CPA6: variants seen among roughly 807,000 people sequenced by gnomAD.
CPA6 encodes carboxypeptidase A6, also known as carboxypeptidase B.
Under a neutral mutation model 63.3 loss-of-function variants are expected in CPA6, and 58 were observed. That is an observed-to-expected ratio of 0.92 (90% CI 0.74 to 1.14). The LOEUF (loss-of-function observed/expected upper bound fraction) is 1.14. Ranked by LOEUF, CPA6 falls within the 50% of genes most tolerant of loss-of-function variation. CPA6 has a pLI of 0.00. For missense variants in CPA6, 565 were observed against 526.6 expected, an observed-to-expected ratio of 1.07 and a Z score of -0.71; for synonymous variants, 185 against 179.0, an observed-to-expected ratio of 1.03 and a Z score of -0.27.
At chr8:67,734,855 AC>A (rs1436496524) in intron 1 of CPA6, among the ~76,000 whole-genome samples, 1 of 152,222 alleles carries the variant, frequency 6.6e-6, no homozygotes, top group Non-Finnish European at 1.5e-5. Flanking sequence ...AACCTAGTTG[AC>A]ATGTTGGTGA....
intron 2 of CPA6, among the ~76,000 whole-genome samples, chr8:67,608,075 G>C (rs1175560973): frequency 6.6e-6 from 1 of 152,192 alleles, no homozygotes; most frequent in African/African-American, 2.4e-5. Flanking sequence ...GAAGAGGAAG[G>C]AAGGAATGGA....
intron 1 of CPA6, among the ~76,000 whole-genome samples, chr8:67,743,977 CA>C (rs1316290318): frequency 6.6e-6 from 1 of 152,026 alleles, no homozygotes; most frequent in African/African-American, 2.4e-5. Context: ...TGAAACCAGC[CA>C]AAAAAACTGC....
chr8:67,586,102 G>T (rs1813925744), intron 2 of CPA6, among the ~76,000 whole-genome samples: 1 of 152,194 alleles, frequency 6.6e-6, no homozygotes, highest in South Asian at 2.1e-4. Flanking sequence ...GGCTTATGGA[G>T]GAGTAGGCAA....
chr8:67,694,866 A>C (rs1012534549), intron 1 of CPA6, among the ~76,000 whole-genome samples: 1 of 152,166 alleles, frequency 6.6e-6, no homozygotes, highest in Non-Finnish European at 1.5e-5. Flanking sequence ...TTGCTTGGAG[A>C]GAAATGTCCA....
chr8:67,521,762 A>T lies in CPA6; in HGVS notation c.193-3715T>A, dbSNP rs149025461. ...ATAAACGAAAAATATAAACAGTTGC[A>T]GGAAAGTTTCCTAGCACAAAGTCAA... On this transcript the variant is annotated intron_variant, in intron 2 of 10. Transcript: ENST00000297770. Among the ~76,000 whole-genome samples, 281 of 152,300 alleles carry T rather than the reference A, an allele frequency of 1.8e-3. 2 individuals carry two copies. The highest frequency in any genetic ancestry group is 3.0e-3 in the Non-Finnish European group (203 of 68,030).
chr8:67,603,487 G>A (rs560679125), intron 2 of CPA6, among the ~76,000 whole-genome samples: 1 of 152,262 alleles, frequency 6.6e-6, no homozygotes, highest in South Asian at 2.1e-4. Context: ...AAGGAAGACA[G>A]GATCTATATG....
chr8:67,605,235 G>A (rs186174038), intron 2 of CPA6, among the ~76,000 whole-genome samples: 1 of 152,158 alleles, frequency 6.6e-6, no homozygotes, highest in East Asian at 1.9e-4. Flanking sequence ...ATTTAGATCT[G>A]TTTGTGGAAT....
chr8:67,486,951 A>G (rs1300374800), intron 6 of CPA6, among the ~76,000 whole-genome samples: 1 of 151,330 alleles, frequency 6.6e-6, no homozygotes, highest in Non-Finnish European at 1.5e-5. Context: ...CTGCAGCCTC[A>G]AACTCCTGGG....
chr8:67,568,033 C>T (rs569169861), intron 2 of CPA6, among the ~76,000 whole-genome samples: 1 of 152,206 alleles, frequency 6.6e-6, no homozygotes, highest in African/African-American at 2.4e-5. Context: ...GCTGTCTCAC[C>T]TGAATTCAGG....
intron 6 of CPA6, among the ~76,000 whole-genome samples, chr8:67,497,583 T>C (rs932649138): frequency 5.3e-5 from 8 of 152,198 alleles, no homozygotes; most frequent in Non-Finnish European, 8.8e-5. Flanking sequence ...TTCAGTTCTC[T>C]TGGGTACACA....
intron 1 of CPA6, among the ~76,000 whole-genome samples, chr8:67,726,406 G>C (rs1280615014): frequency 6.6e-6 from 1 of 152,146 alleles, no homozygotes; most frequent in East Asian, 1.9e-4. Flanking sequence ...GGCAAATGAC[G>C]ACGTTTAACC....
intron 8 of CPA6, among the ~76,000 whole-genome samples, chr8:67,450,215 A>C (rs1333623590): frequency 1.3e-5 from 2 of 152,228 alleles, no homozygotes; most frequent in African/African-American, 4.8e-5. Flanking sequence ...GTACTACATA[A>C]ACATAGTGTT....
At chr8:67,504,044 A>G (rs1197181529) in intron 6 of CPA6, among the ~76,000 whole-genome samples, 3 of 152,160 alleles carry the variant, frequency 2.0e-5, no homozygotes, top group African/African-American at 7.2e-5. Flanking sequence ...GTTACATACT[A>G]TCATTATCCT....
Position 67,512,799 on chromosome 8 carries a change from T to C in CPA6, c.318-1144A>G, listed in dbSNP as rs572961034. Among the ~76,000 whole-genome samples the C allele has an allele frequency of 5.9e-4, 90 of 152,350 alleles. 1 individual carries two copies. In the South Asian group the frequency reaches 0.018, roughly 31 times the overall value. ...TAAGTGCTATTAAAAGAACATATAATGGCATCTTTAAATAATTTCAAGGCT... is the reference window on the plus strand; with the variant it reads ...TAAGTGCTATTAAAAGAACATATAACGGCATCTTTAAATAATTTCAAGGCT... On this transcript the variant is annotated intron_variant, in intron 3 of 10. Coordinates refer to ENST00000297770, the MANE Select transcript of CPA6 (RefSeq NM_020361.5).
At chr8:67,691,725 A>C (rs1027756009) in intron 1 of CPA6, among the ~76,000 whole-genome samples, 1 of 152,166 alleles carries the variant, frequency 6.6e-6, no homozygotes, top group Admixed American at 6.5e-5. Flanking sequence ...TGTTAAAAAT[A>C]TATCTTATGT....
chr8:67,723,139 T>C (rs1817533272), intron 1 of CPA6, among the ~76,000 whole-genome samples: 1 of 152,180 alleles, frequency 6.6e-6, no homozygotes, highest in Non-Finnish European at 1.5e-5. Flanking sequence ...ACATTCCATA[T>C]TATAGATATA....
chr8:67,513,459 A>G (rs73264792), intron 3 of CPA6, among the ~76,000 whole-genome samples: 12,320 of 151,988 alleles, frequency 0.081, 1,235 homozygotes, highest in African/African-American at 0.24. Context: ...ATCATCTATT[A>G]TTTCTCCTGG....
At chr8:67,500,647 T>C (rs1379599439) in intron 6 of CPA6, among the ~76,000 whole-genome samples, 1 of 152,128 alleles carries the variant, frequency 6.6e-6, no homozygotes, top group African/African-American at 2.4e-5. Context: ...CTATGCTTTT[T>C]TCCCCTAAAA....
intron 2 of CPA6, among the ~76,000 whole-genome samples, chr8:67,616,547 GT>G (rs1814956848): frequency 7.3e-6 from 1 of 136,956 alleles, no homozygotes; most frequent in Non-Finnish European, 1.6e-5. Context: ...GTGTGTGTGT[GT>G]GTGTTGTGGG....
Sources: allele counts gnomAD v4.1 joint callset (sites outside exome capture counted in the v4.1 genomes callset), GRCh38; gene constraint gnomAD v4.1.1; transcripts MANE v1.5; gene names NCBI Gene and HGNC (gene_info 2026-07-23, HGNC 2026-07-21).